SYNPR: variants seen among roughly 807,000 people sequenced by gnomAD.
SYNPR encodes synaptoporin.
Under a neutral mutation model 32.9 loss-of-function variants are expected in SYNPR, and 23 were observed. That is an observed-to-expected ratio of 0.70 (90% CI 0.50 to 0.99). The LOEUF is 0.99. Among genes scored for constraint, SYNPR ranks in the 50% least tolerant of loss-of-function variants. SYNPR has a pLI of 0.00. For missense variants in SYNPR, 318 were observed against 349.3 expected (o/e 0.91, Z 0.71); for synonymous variants, 146 against 135.9 (o/e 1.07, Z -0.52).
chr3:63,245,694 AGAGAGAGAGAGAGAGAGTGTGT>A (rs2086280329), intron 1 of SYNPR, among the ~76,000 whole-genome samples: 1 of 71,698 alleles, frequency 1.4e-5, no homozygotes, highest in Non-Finnish European at 2.5e-5. Context: ...AGAGAGAGAG[AGAGAGAGAGAGAGAGAGTGTGT>A]GTGTGTGTGT....
chr3:63,282,684 GAA>G (rs34234414), intron 2 of SYNPR, among the ~76,000 whole-genome samples: 91 of 115,870 alleles, frequency 7.9e-4, no homozygotes, highest in African/African-American at 2.2e-3. Context: ...CACTGTCTCA[GAA>G]AAAAAAAAAA....
At chr3:63,352,598 C>T (rs1482747265) in intron 2 of SYNPR, among the ~76,000 whole-genome samples, 1 of 152,178 alleles carries the variant, frequency 6.6e-6, no homozygotes, top group Non-Finnish European at 1.5e-5. Flanking sequence ...CCCAAATATA[C>T]TTCAGGCACC....
At chr3:63,604,352 G>A (rs1217805694) in intron 4 of SYNPR, among the ~76,000 whole-genome samples, 1 of 152,036 alleles carries the variant, frequency 6.6e-6, no homozygotes, top group Non-Finnish European at 1.5e-5. Context: ...CTTCAGTTCA[G>A]CTCTGGTTTG....
chr3:63,415,809 G>A (rs2088532444), intron 2 of SYNPR, among the ~76,000 whole-genome samples: 1 of 152,190 alleles, frequency 6.6e-6, no homozygotes. Context: ...TTTCCCTGCA[G>A]CAAATTGCAA....
chr3:63,340,419 A>ACTTTTTTTT (rs1553870463), intron 2 of SYNPR, among the ~76,000 whole-genome samples: 2 of 128,508 alleles, frequency 1.6e-5, no homozygotes, highest in African/African-American at 5.8e-5. Flanking sequence ...AAAAAAATGT[A>ACTTTTTTTT]TTTTTTTTTT....
chr3:63,467,946 T>A (rs1700715573), intron 2 of SYNPR, among the ~76,000 whole-genome samples: 1 of 152,074 alleles, frequency 6.6e-6, no homozygotes, highest in African/African-American at 2.4e-5. Flanking sequence ...ACACCTGTAA[T>A]CCCAGCAGTT....
At chr3:63,254,353 T>A (rs1213005222) in intron 2 of SYNPR, among the ~76,000 whole-genome samples, 3 of 152,170 alleles carry the variant, frequency 2.0e-5, no homozygotes, top group Non-Finnish European at 4.4e-5. Context: ...GTTAATACTT[T>A]AAATCAGCAC....
intron 2 of SYNPR, among the ~76,000 whole-genome samples, chr3:63,333,377 G>T (rs1259076084): frequency 6.6e-6 from 1 of 151,770 alleles, no homozygotes; most frequent in African/African-American, 2.4e-5. Context: ...AATTTCAAGG[G>T]AAGGAAAGGA....
intron 2 of SYNPR, among the ~76,000 whole-genome samples, chr3:63,291,436 A>G (rs987879815): frequency 6.6e-6 from 1 of 152,174 alleles, no homozygotes; most frequent in Non-Finnish European, 1.5e-5. Flanking sequence ...CAGAAAATTA[A>G]AGCTCAGATA....
At chr3:63,587,493 T>C (rs1300297449) in intron 4 of SYNPR, among the ~76,000 whole-genome samples, 1 of 150,662 alleles carries the variant, frequency 6.6e-6, no homozygotes, top group Non-Finnish European at 1.5e-5. Context: ...AATAGGATTA[T>C]GTTTTCAAAG....
At chr3:63,381,819 T>C (rs1256687525) in intron 2 of SYNPR, among the ~76,000 whole-genome samples, 1 of 152,202 alleles carries the variant, frequency 6.6e-6, no homozygotes, top group Non-Finnish European at 1.5e-5. Context: ...TGCCTTCCTG[T>C]GGATTACTGA....
chr3:63,529,282 A>G (rs1410512468), intron 3 of SYNPR, among the ~76,000 whole-genome samples: 3 of 152,252 alleles, frequency 2.0e-5, no homozygotes, highest in South Asian at 2.1e-4. Flanking sequence ...TAGATTACTT[A>G]TAATAGTAAA....
chr3:63,285,845 C>CT (rs2086675186), intron 2 of SYNPR, among the ~76,000 whole-genome samples: 1 of 152,164 alleles, frequency 6.6e-6, no homozygotes, highest in African/African-American at 2.4e-5. Flanking sequence ...CAAAGTGATG[C>CT]TATCATGATT....
At chr3:63,352,781 G>T (rs1220843568) in intron 2 of SYNPR, among the ~76,000 whole-genome samples, 3 of 152,164 alleles carry the variant, frequency 2.0e-5, no homozygotes, top group African/African-American at 7.2e-5. Flanking sequence ...AGAACAAAGG[G>T]ATGTCTTGCA....
At chr3:63,509,028 G>T (rs1160419667) in intron 3 of SYNPR, among the ~76,000 whole-genome samples, 1 of 151,706 alleles carries the variant, frequency 6.6e-6, no homozygotes, top group Non-Finnish European at 1.5e-5. Flanking sequence ...AAAACTTCTG[G>T]CTATGTGGTC....
chr3:63,412,231 G>A (rs528728004), intron 2 of SYNPR, among the ~76,000 whole-genome samples: 1 of 152,274 alleles, frequency 6.6e-6, no homozygotes, highest in South Asian at 2.1e-4. Flanking sequence ...GGCACATGCT[G>A]AGACTGGGGT....
upstream of SYNPR, among the ~76,000 whole-genome samples, chr3:63,225,551 G>C (rs530581708): frequency 6.6e-6 from 1 of 152,258 alleles, no homozygotes; most frequent in South Asian, 2.1e-4. Context: ...GCACTTTTAG[G>C]ATCAAAAACT....
At chr3:63,615,169 T>C in intron 5 of SYNPR, 55 bp from the exon 6 acceptor site, 1 of 1,564,848 alleles carries the variant, frequency 6.4e-7, no homozygotes, top group South Asian at 1.2e-5. Context: ...AAAATTGAAA[T>C]TTTTCTTGGG....
chr3:63,518,557 C>A (rs575815520), intron 3 of SYNPR, among the ~76,000 whole-genome samples: 2 of 152,234 alleles, frequency 1.3e-5, no homozygotes, highest in Non-Finnish European at 2.9e-5. Context: ...AGCATTAGAC[C>A]TTTACTGCTT....
Sources: allele counts gnomAD v4.1 joint callset (sites outside exome capture counted in the v4.1 genomes callset), GRCh38; gene constraint gnomAD v4.1.1; transcripts MANE v1.5; gene names NCBI Gene and HGNC (gene_info 2026-07-23, HGNC 2026-07-21).